Variants in COL5A1 observed in about 807,000 individuals in gnomAD.
COL5A1 encodes collagen type V alpha 1 chain, also known as collagen alpha-1(V) chain.
Under a neutral mutation model 263.7 loss-of-function variants are expected in COL5A1, and 16 were observed. That is an observed-to-expected ratio of 0.06 (90% confidence interval 0.04 to 0.09). The LOEUF (loss-of-function observed/expected upper bound fraction) is 0.09, where lower values mean the gene tolerates loss of function less well. Ranked by LOEUF, COL5A1 falls within the 10% of genes least tolerant of loss-of-function variation. The pLI is 1.00. For synonymous variants in COL5A1, 1,012 were observed against 1,004.5 expected (o/e 1.01, Z -0.14); for missense variants, 2,036 against 2,540.5 (o/e 0.80, Z 4.27).
intron 13 of COL5A1, among the ~76,000 whole-genome samples, chr9:134,752,154 G>A (rs1435699638): frequency 1.3e-5 from 2 of 152,214 alleles, no homozygotes; most frequent in African/African-American, 4.8e-5. Context: ...GGCTGGGAGT[G>A]CTTGAAGCGC....
At chr9:134,649,028 G>A (rs1271095605) in intron 1 of COL5A1, among the ~76,000 whole-genome samples, 4 of 152,054 alleles carry the variant, frequency 2.6e-5, no homozygotes, top group Admixed American at 2.0e-4. Context: ...ATGTGATGGC[G>A]GTGAGTGGTG....
intron 1 of COL5A1, among the ~76,000 whole-genome samples, chr9:134,668,656 C>G (rs368329951): frequency 2.6e-5 from 4 of 152,102 alleles, no homozygotes; most frequent in East Asian, 3.9e-4. Context: ...AACTATAAAT[C>G]CATCCAATCA....
chr9:134,766,342 C>A, intron 21 of COL5A1, 112 bp from the exon 22 acceptor site: 2 of 1,047,450 alleles, frequency 1.9e-6, no homozygotes, highest in African/African-American at 1.6e-5. Flanking sequence ...ATCCCGTCCT[C>A]TGATTCGTCG....
rs141142726 is a variant in COL5A1, at chr9:134,686,981, C to T, written c.110-3931C>T. Among the ~76,000 whole-genome samples the T allele has an allele frequency of 5.6e-4, 85 of 152,240 alleles. No individual in the cohort carries two copies. The highest frequency in any genetic ancestry group is 1.9e-3 in the African/African-American group (77 of 41,540). ...CAGGGAGTCAGGTGGATACAGTCTC[C>T]GGGAGACCCGGCGTGGTGGGGTCAG... is the stretch of plus-strand genomic sequence containing the variant. On this transcript the variant is annotated intron_variant, in intron 1 of 65. Coordinates refer to ENST00000371817, the MANE Select transcript of COL5A1 (RefSeq NM_000093.5). This position sits in a 1 kb window ranked among gnomAD's most constrained non-coding sequence, Gnocchi z 4.6.
chr9:134,649,127 GT>G (rs1273629701), intron 1 of COL5A1, among the ~76,000 whole-genome samples: 4 of 152,104 alleles, frequency 2.6e-5, no homozygotes, highest in African/African-American at 4.8e-5. Context: ...CTCAGATGTT[GT>G]TTTTGTGCCA....
intron 9 of COL5A1, among the ~76,000 whole-genome samples, chr9:134,735,921 A>T (rs575672034): frequency 6.6e-5 from 10 of 152,248 alleles, no homozygotes; most frequent in Admixed American, 3.3e-4. Flanking sequence ...CCCAACCGGG[A>T]GTCCCCTCAT....
In COL5A1 at chr9:134,758,177, A is replaced by T; in HGVS notation, c.1882-66A>T. On this transcript the variant is annotated intron_variant, in intron 17 of 65. Transcript: ENST00000371817. The surrounding 1 kb of genome is among the most constrained non-coding windows in gnomAD (Gnocchi z 4.1). ...AGGCGGGGCGGCCATCACTTGGTGG[A>T]CACCAAGGCGGGGTGTCCACGTGTG... 6.5e-7 allele frequency: 1 copy of T among 1,549,806 alleles called. No individual in the cohort carries two copies. Among genetic ancestry groups the T allele is most frequent in the Non-Finnish European group, 8.9e-7 (1 of 1,122,610 alleles).
intron 1 of COL5A1, among the ~76,000 whole-genome samples, chr9:134,685,079 TCCACCCACCATCCATCCATCCA>T (rs2132537900): frequency 1.0e-5 from 1 of 96,990 alleles, no homozygotes; most frequent in South Asian, 4.2e-4. Flanking sequence ...CATCCATCCA[TCCACCCACCATCCATCCATCCA>T]CCATCCATCC....
intron 39 of COL5A1, 49 bp downstream of exon 39, chr9:134,803,044 C>A: frequency 1.4e-6 from 2 of 1,439,792 alleles, no homozygotes; most frequent in South Asian, 2.4e-5. Context: ...CCTCAGGAAT[C>A]ATTTTGGGAC....
intron 11 of COL5A1, among the ~76,000 whole-genome samples, chr9:134,746,596 G>A (rs1310428027): frequency 6.6e-6 from 1 of 152,252 alleles, no homozygotes; most frequent in Non-Finnish European, 1.5e-5. Context: ...CCTCAGGAAA[G>A]AAACCCTGTT....
chr9:134,728,928 G>C (rs1199172774), intron 6 of COL5A1, 121 bp downstream of exon 6: 2 of 1,319,852 alleles, frequency 1.5e-6, no homozygotes, highest in East Asian at 4.7e-5. Flanking sequence ...TGAAGGTTGC[G>C]GGGGCAGCTC....
rs1399489214 is a variant in COL5A1, at chr9:134,696,351, A to G, written c.278-3558A>G. ...ACCACACCCGGCTAATTTTTTTTAT[A>G]TTTTTGGCAGAGACAGGGATTCACC... On this transcript the variant is annotated intron_variant, in intron 2 of 65. Transcript: ENST00000371817. This position sits in a 1 kb window ranked among gnomAD's most constrained non-coding sequence, Gnocchi z 4.3. Among the ~76,000 whole-genome samples the G allele has an allele frequency of 6.6e-6, 1 of 151,646 alleles. No homozygotes were observed. Among genetic ancestry groups the G allele is most frequent in the Non-Finnish European group, 1.5e-5 (1 of 67,956 alleles).
At position 134,802,971 on chromosome 9, in the gene COL5A1, C is replaced by A. The variant is rs1005323201; in HGVS notation, c.3090C>A (p.Gly1030=). The A allele has an allele frequency of 6.2e-7, 1 of 1,607,690 alleles. No individual in the cohort carries two copies. Among genetic ancestry groups the A allele is most frequent in the African/African-American group, 1.3e-5 (1 of 75,020 alleles). ...CCCCCGGTGAACAGGGGCTTCCGGG[C>A]CTTGCTGGAAAAGAAGGGACGAAGG... ...PGPPGEQGLP[G]LAGKEGTKGD... is the part of the protein sequence containing the mutation. Residue 1030 remains glycine (G), a synonymous_variant, in exon 39 of 66, where the codon GGC becomes GGA. Coordinates refer to ENST00000371817, the MANE Select transcript of COL5A1 (RefSeq NM_000093.5).
rs548821972 is a variant in COL5A1, at chr9:134,691,671, G to C, written c.277+592G>C. On this transcript the variant is annotated intron_variant, in intron 2 of 65. Coordinates refer to ENST00000371817, the MANE Select transcript of COL5A1 (RefSeq NM_000093.5). ...GTCACCCAGTCGTGGGGCGGCACCT[G>C]CCACAGTTAATTAAACCCTCTGGGC... 2.5e-5 allele frequency: 4 copies of C among 157,010 alleles called. No individual in the cohort carries two copies. In the East Asian group the frequency reaches 7.5e-4, roughly 29 times the overall value. 9.7% of individuals were successfully genotyped at this position (157,010 alleles called of 1,614,324 possible).
rs1834907956 is a variant in COL5A1 at position 134,732,145 on chromosome 9, T to C, written c.1389+18T>C. The C allele has an allele frequency of 6.2e-7, 1 of 1,613,476 alleles. No homozygotes were observed. Among genetic ancestry groups the C allele is most frequent in the Non-Finnish European group, 8.5e-7 (1 of 1,179,520 alleles). On this transcript the variant is annotated intron_variant, in intron 9 of 65. Transcript: ENST00000371817. ...TCGAGCCGGTGAGGACATTTTCTCA[T>C]TCCCTCCCTGCGCCGGGGTGTCCGC...
At position 134,830,366 on chromosome 9, in the gene COL5A1, T is replaced by C. The variant is rs555645747; in HGVS notation, c.5136+322T>C. On this transcript the variant is annotated intron_variant, in intron 64 of 65. Transcript: ENST00000371817. ...CCAGCCCCCGCCACCCTGACAAGAG[T>C]GTGTTTCTGCCTGGAGTAGGCAGAT... The C allele has an allele frequency of 2.3e-4, 146 of 633,752 alleles. 1 individual carries two copies. The highest frequency in any genetic ancestry group is 3.5e-4 in the Non-Finnish European group (128 of 364,170). 39.3% of individuals were successfully genotyped at this position (633,752 alleles called of 1,614,324 possible).
intron 28 of COL5A1, 71 bp downstream of exon 28, chr9:134,780,217 C>T (rs553338960): frequency 1.4e-6 from 2 of 1,437,356 alleles, no homozygotes; most frequent in East Asian, 2.3e-5. Flanking sequence ...CGGGGCCCTC[C>T]CACAATGCTT....
chr9:134,784,871 C>CA lies in COL5A1; in HGVS notation c.2485-117dup, dbSNP rs557019091. ...TCTGAGTGAGGCCGAGCTGGTGGAGCAGCTCTGACCACAGGGTGCCTGTGA... is the reference window on the plus strand; with the variant it reads ...TCTGAGTGAGGCCGAGCTGGTGGAGCAAGCTCTGACCACAGGGTGCCTGTGA... On this transcript the variant is annotated intron_variant, in intron 29 of 65. Coordinates refer to ENST00000371817, the MANE Select transcript of COL5A1 (RefSeq NM_000093.5). The CA allele has an allele frequency of 3.6e-4, 291 of 808,386 alleles. 4 individuals are homozygous for CA. In the South Asian group the frequency reaches 4.0e-3, roughly 11 times the overall value. 50.1% of individuals were successfully genotyped at this position (808,386 alleles called of 1,614,324 possible).
intron 30 of COL5A1, 76 bp downstream of exon 30, chr9:134,785,172 T>C: frequency 1.6e-6 from 2 of 1,247,518 alleles, no homozygotes; most frequent in South Asian, 1.2e-5. Context: ...CGGGCTCCCG[T>C]TGGCTGTGGC....
Sources: allele counts gnomAD v4.1 joint callset (sites outside exome capture counted in the v4.1 genomes callset), GRCh38; gene constraint gnomAD v4.1.1; non-coding constraint Gnocchi (gnomAD v3.1); transcripts MANE v1.5; gene names NCBI Gene and HGNC (gene_info 2026-07-23, HGNC 2026-07-21).